Variants in PCOLCE2 observed in about 807,000 individuals in gnomAD.
PCOLCE2 encodes procollagen C-proteinase enhancer 2.
Under a neutral mutation model 47.0 loss-of-function variants are expected in PCOLCE2, and 42 were observed. The ratio of observed to expected loss-of-function variants is 0.89; its 90% CI spans 0.70 to 1.16. The LOEUF is 1.16. Ranked by LOEUF, PCOLCE2 falls within the 50% of genes most tolerant of loss-of-function variation. The probability of loss-of-function intolerance (pLI) is 0.00; values close to 1 mark genes in which losing one functional copy is unlikely to be tolerated. For missense variants in PCOLCE2, 500 were observed against 526.1 expected, an observed-to-expected ratio of 0.95 and a Z score of 0.49; for synonymous variants, 169 against 191.7, an observed-to-expected ratio of 0.88 and a Z score of 0.98.
At chr3:142,846,180 C>T (rs1181332450) in intron 3 of PCOLCE2, among the ~76,000 whole-genome samples, 1 of 152,084 alleles carries the variant, frequency 6.6e-6, no homozygotes, top group African/African-American at 2.4e-5. Flanking sequence ...TGTTGACCCT[C>T]TTGACTCTAT....
At chr3:142,865,033 T>A (rs1933254652) in intron 2 of PCOLCE2, among the ~76,000 whole-genome samples, 1 of 152,360 alleles carries the variant, frequency 6.6e-6, no homozygotes, top group South Asian at 2.1e-4. Flanking sequence ...CTTGGTCATA[T>A]GGTAAATGTT....
intron 2 of PCOLCE2, among the ~76,000 whole-genome samples, chr3:142,868,361 A>G (rs1038359118): frequency 6.6e-6 from 1 of 152,208 alleles, no homozygotes; most frequent in African/African-American, 2.4e-5. Context: ...GCTAACCTGA[A>G]AAACTAGTTC....
chr3:142,819,800 C>T (rs1430487764), intron 8 of PCOLCE2, among the ~76,000 whole-genome samples: 1 of 152,094 alleles, frequency 6.6e-6, no homozygotes, highest in African/African-American at 2.4e-5. Context: ...TGCGCACCAC[C>T]ACACCCGGCT....
intron 2 of PCOLCE2, among the ~76,000 whole-genome samples, chr3:142,850,626 G>C (rs1937379632): frequency 6.6e-6 from 1 of 152,210 alleles, no homozygotes; most frequent in Admixed American, 6.5e-5. Flanking sequence ...AGTGGATTTA[G>C]CAACACAGAA....
At chr3:142,835,118 C>T (rs1253331836) in intron 5 of PCOLCE2, among the ~76,000 whole-genome samples, 2 of 151,972 alleles carry the variant, frequency 1.3e-5, no homozygotes. Flanking sequence ...CTTCTACCTC[C>T]TAATTTCCCA....
chr3:142,879,253 GA>G (rs1252090036), intron 2 of PCOLCE2, among the ~76,000 whole-genome samples: 5 of 147,848 alleles, frequency 3.4e-5, no homozygotes, highest in East Asian at 2.0e-4. Context: ...ATCCCTTTCA[GA>G]AAAAAAAAAT....
chr3:142,828,896 A>G (rs1305456210), intron 6 of PCOLCE2, among the ~76,000 whole-genome samples: 3 of 152,338 alleles, frequency 2.0e-5, no homozygotes, highest in East Asian at 3.9e-4. Context: ...GCACTTGCAG[A>G]GTGCAAGGAA....
Position 142,835,181 on chromosome 3 carries a change from T to A in PCOLCE2, c.710+3589A>T, listed in dbSNP as rs539124035. Among the ~76,000 whole-genome samples, 3 of 152,296 alleles carry A rather than the reference T, an allele frequency of 2.0e-5. No individual in the cohort carries two copies. In the East Asian group the frequency reaches 5.8e-4, roughly 29 times the overall value. On this transcript the variant is annotated intron_variant, in intron 5 of 8. Coordinates refer to ENST00000295992, the MANE Select transcript of PCOLCE2 (RefSeq NM_013363.4). ...CTGTTAATTATTGAAAGAGATGTGT[T>A]AAAAATCTCTACTACAATAATGAAC...
At chr3:142,843,249 C>G (rs924914841) in intron 3 of PCOLCE2, 1 of 653,944 alleles carries the variant, frequency 1.5e-6, no homozygotes. Flanking sequence ...TGTTACCTGA[C>G]ATAGCATAGC....
chr3:142,821,120 T>C, intron 7 of PCOLCE2, 75 bp from the exon 8 acceptor site: 6 of 1,149,834 alleles, frequency 5.2e-6, no homozygotes, highest in Non-Finnish European at 7.6e-6. Flanking sequence ...AAGTTTACAT[T>C]CTTCTAAGTT....
At chr3:142,858,432 T>C (rs140297127) in intron 2 of PCOLCE2, among the ~76,000 whole-genome samples, 22 of 152,404 alleles carry the variant, frequency 1.4e-4, no homozygotes, top group African/African-American at 5.0e-4. Flanking sequence ...TTGCTATTTA[T>C]TTGTTTTGCA....
At chr3:142,841,320 A>G (rs1256946236) in intron 4 of PCOLCE2, among the ~76,000 whole-genome samples, 1 of 152,196 alleles carries the variant, frequency 6.6e-6, no homozygotes, top group Non-Finnish European at 1.5e-5. Context: ...CACAGTGATT[A>G]AGAACTCAAT....
intron 5 of PCOLCE2, among the ~76,000 whole-genome samples, chr3:142,830,155 G>A (rs1223718449): frequency 3.3e-5 from 5 of 152,312 alleles, no homozygotes; most frequent in Admixed American, 6.5e-5. Flanking sequence ...CCTATAGCTA[G>A]TATGTTGGGA....
chr3:142,825,220 T>A (rs560545707), intron 6 of PCOLCE2, among the ~76,000 whole-genome samples: 1 of 152,118 alleles, frequency 6.6e-6, no homozygotes, highest in Non-Finnish European at 1.5e-5. Context: ...CCCGGGCCCA[T>A]TGGGAACCGG....
At chr3:142,843,203 A>G (rs1242747126) in intron 3 of PCOLCE2, 155 bp from the exon 4 acceptor site, 1 of 732,722 alleles carries the variant, frequency 1.4e-6, no homozygotes, top group Non-Finnish European at 2.5e-6. Flanking sequence ...ATATGGTTAC[A>G]TACATAACCC....
At chr3:142,844,072 T>C (rs973220769) in intron 3 of PCOLCE2, among the ~76,000 whole-genome samples, 2 of 152,174 alleles carry the variant, frequency 1.3e-5, no homozygotes, top group African/African-American at 2.4e-5. Flanking sequence ...GTTTTTATTA[T>C]TATTATTTTA....
At chr3:142,839,498 A>C (rs779794202) in intron 4 of PCOLCE2, among the ~76,000 whole-genome samples, 3 of 152,158 alleles carry the variant, frequency 2.0e-5, no homozygotes, top group Non-Finnish European at 4.4e-5. Context: ...TTTTTAGTAC[A>C]GACGGGATTT....
At chr3:142,822,800 GA>G (rs1175044826) in intron 7 of PCOLCE2, among the ~76,000 whole-genome samples, 1 of 152,196 alleles carries the variant, frequency 6.6e-6, no homozygotes, top group East Asian at 1.9e-4. Context: ...TCAAGGCACA[GA>G]AAAAGCAAGC....
At position 142,859,805 on chromosome 3, in the gene PCOLCE2, C is replaced by T. The variant is rs566224699; in HGVS notation, c.193-11333G>A. ...TGCTCTGATCCACCTGTCTTGGCCT[C>T]CCAAAGTGCTGGGATTACAGGCATG... On this transcript the variant is annotated intron_variant, in intron 2 of 8. Transcript: ENST00000295992. Among the ~76,000 whole-genome samples the T allele has an allele frequency of 4.6e-5, 7 of 152,312 alleles. No homozygotes were observed. The South Asian group carries it at 1.4e-3, about 32-fold the overall frequency.
Sources: gnomAD v4.1 joint callset for allele counts (sites outside exome capture counted in the v4.1 genomes callset) on GRCh38, gnomAD v4.1.1 for gene constraint, MANE v1.5 for transcripts, NCBI Gene and HGNC (gene_info 2026-07-23, HGNC 2026-07-21) for gene names.